CLIP2: variants seen among roughly 807,000 people sequenced by gnomAD.
CLIP2 encodes CAP-Gly domain-containing linker protein 2.
In CLIP2, 41 loss-of-function variants were observed where a neutral mutation model predicts 111.7. The observed-to-expected ratio is 0.37, with a 90% confidence interval of 0.29 to 0.48. The LOEUF is 0.48. Among genes scored for constraint, CLIP2 ranks in the 20% least tolerant of loss-of-function variants. CLIP2 has a pLI of 0.99. For missense variants in CLIP2, 1,160 were observed against 1,422.1 expected (o/e 0.82, Z 2.96); for synonymous variants, 660 against 644.2 (o/e 1.02, Z -0.37).
At chr7:74,313,653 G>A (rs1788698457) in intron 1 of CLIP2, among the ~76,000 whole-genome samples, 2 of 151,910 alleles carry the variant, frequency 1.3e-5, no homozygotes, top group South Asian at 4.2e-4. Context: ...TCTCTGTGTT[G>A]GCACCGTTCC....
intron 3 of CLIP2, among the ~76,000 whole-genome samples, chr7:74,349,954 T>C (rs183142743): frequency 1.3e-5 from 2 of 151,708 alleles, no homozygotes; most frequent in South Asian, 4.2e-4. Context: ...AAGAGACAAA[T>C]CTGTAGCGAT....
At chr7:74,387,696 C>T (rs1791153964) in intron 12 of CLIP2, among the ~76,000 whole-genome samples, 1 of 152,234 alleles carries the variant, frequency 6.6e-6, no homozygotes, top group Non-Finnish European at 1.5e-5. Context: ...GGACCTCAGA[C>T]TCCTCCAAGG....
At chr7:74,366,825 G>A (rs948623463) in intron 8 of CLIP2, among the ~76,000 whole-genome samples, 14 of 147,932 alleles carry the variant, frequency 9.5e-5, no homozygotes, top group Admixed American at 5.6e-4. Flanking sequence ...ACAGTGAGCC[G>A]CGATTGCGCC....
intron 1 of CLIP2, among the ~76,000 whole-genome samples, chr7:74,294,099 T>C (rs1554725756): frequency 6.6e-6 from 1 of 152,070 alleles, no homozygotes; most frequent in African/African-American, 2.4e-5. Flanking sequence ...GTAGTTTTAG[T>C]AGAGATGGGG....
intron 1 of CLIP2, among the ~76,000 whole-genome samples, chr7:74,306,514 G>A (rs1302769029): frequency 3.3e-5 from 5 of 152,190 alleles, no homozygotes; most frequent in African/African-American, 9.6e-5. Context: ...AACCAAGATG[G>A]GCTTTCCACT....
At chr7:74,351,352 C>G (rs1789990498) in intron 3 of CLIP2, among the ~76,000 whole-genome samples, 1 of 137,686 alleles carries the variant, frequency 7.3e-6, no homozygotes, top group Non-Finnish European at 1.5e-5. Flanking sequence ...ACTTGGGAGG[C>G]TGAAGTGGGA....
At chr7:74,351,831 G>A (rs1370639263) in intron 3 of CLIP2, among the ~76,000 whole-genome samples, 1 of 152,004 alleles carries the variant, frequency 6.6e-6, no homozygotes, top group African/African-American at 2.4e-5. Flanking sequence ...GTGAGACTCC[G>A]TCTCAAAATA....
chr7:74,392,404 C>T (rs997652493), intron 13 of CLIP2, among the ~76,000 whole-genome samples: 1 of 151,418 alleles, frequency 6.6e-6, no homozygotes, highest in Non-Finnish European at 1.5e-5. Flanking sequence ...GTGGAGCACA[C>T]GCCTGTGGGT....
At chr7:74,396,089 AG>A (rs1231106664) in intron 13 of CLIP2, among the ~76,000 whole-genome samples, 1 of 152,198 alleles carries the variant, frequency 6.6e-6, no homozygotes, top group Non-Finnish European at 1.5e-5. Context: ...GCTAGGGCAT[AG>A]GGGTGCATGT....
At chr7:74,306,990 T>C (rs781986067) in intron 1 of CLIP2, among the ~76,000 whole-genome samples, 9 of 152,320 alleles carry the variant, frequency 5.9e-5, no homozygotes, top group Non-Finnish European at 1.2e-4. Context: ...CCCAGCGTTT[T>C]CCAAGAATCC....
intron 7 of CLIP2, among the ~76,000 whole-genome samples, chr7:74,361,723 G>A (rs1045602963): frequency 1.3e-5 from 2 of 152,144 alleles, no homozygotes; most frequent in Non-Finnish European, 2.9e-5. Context: ...TCAGGAAACT[G>A]AAGTTAAGAG....
chr7:74,327,120 TGAGA>T (rs1217773898), intron 2 of CLIP2, among the ~76,000 whole-genome samples: 1 of 152,128 alleles, frequency 6.6e-6, no homozygotes, highest in Non-Finnish European at 1.5e-5. Context: ...TTTTGTTTTT[TGAGA>T]GAGAGTCTCG....
chr7:74,397,262 A>G, intron 14 of CLIP2, 29 bp downstream of exon 14: 3 of 1,415,670 alleles, frequency 2.1e-6, no homozygotes, highest in Non-Finnish European at 2.9e-6. Context: ...GCCTAGGGGC[A>G]GGGGCACTAG....
intron 11 of CLIP2, among the ~76,000 whole-genome samples, chr7:74,384,642 C>T (rs923340327): frequency 3.8e-4 from 58 of 150,830 alleles, no homozygotes; most frequent in African/African-American, 1.3e-3. Flanking sequence ...GACAGGGTTT[C>T]GCAATGTTGG....
At chr7:74,403,770 C>T in intron 16 of CLIP2, 67 bp from the exon 17 acceptor site, 1 of 1,579,042 alleles carries the variant, frequency 6.3e-7, no homozygotes, top group Non-Finnish European at 8.7e-7. Flanking sequence ...TCCCTGACTC[C>T]CCTCTGGCCG....
At chr7:74,293,547 G>GT (rs1460360639) in intron 1 of CLIP2, among the ~76,000 whole-genome samples, 86 of 152,198 alleles carry the variant, frequency 5.7e-4, no homozygotes, top group Non-Finnish European at 3.4e-4. Context: ...TGCTCGGCTA[G>GT]TGGGGGGGCA....
chr7:74,343,788 A>G (rs1186856031), intron 3 of CLIP2, among the ~76,000 whole-genome samples: 1 of 151,078 alleles, frequency 6.6e-6, no homozygotes, highest in Non-Finnish European at 1.5e-5. Flanking sequence ...CTATGCTCCC[A>G]GCTACTGGGG....
chr7:74,376,578 G>A lies in CLIP2; in HGVS notation c.2177G>A (p.Arg726Gln), dbSNP rs200927251. Reference protein sequence around the residue: ...LELQEAQDQRRDAELRVHELE... With the variant: ...LELQEAQDQRQDAELRVHELE... ...CTGCAGGAGGCCCAGGACCAGCGCCGGGATGCCGAGCTGCGTGTGCACGAG... is the reference window on the plus strand; with the variant it reads ...CTGCAGGAGGCCCAGGACCAGCGCCAGGATGCCGAGCTGCGTGTGCACGAG... Residue 726 changes from arginine (R) to glutamine (Q), a missense_variant, in exon 10 of 17, where the codon CGG becomes CAG. Around this residue, in one of 5 missense-constraint regions of CLIP2, gnomAD observed 676 missense variants for 777.8 expected, o/e 0.87. Transcript: ENST00000223398. This position sits in a 1 kb window ranked among gnomAD's most constrained non-coding sequence, Gnocchi z 7.1. 60 of 1,610,776 alleles carry A rather than the reference G, an allele frequency of 3.7e-5. No homozygotes were observed. The East Asian group carries it at 5.6e-4, about 15-fold the overall frequency.
intron 11 of CLIP2, among the ~76,000 whole-genome samples, chr7:74,385,768 G>A (rs1554314670): frequency 7.3e-6 from 1 of 137,478 alleles, no homozygotes; most frequent in South Asian, 2.3e-4. Flanking sequence ...TTGAGACAGA[G>A]TTTCGCTCTT....
Sources: allele counts gnomAD v4.1 joint callset (sites outside exome capture counted in the v4.1 genomes callset), GRCh38; gene constraint gnomAD v4.1.1; regional missense constraint gnomAD v4.1.1; non-coding constraint Gnocchi (gnomAD v3.1); transcripts MANE v1.5; gene names NCBI Gene and HGNC (gene_info 2026-07-23, HGNC 2026-07-21).